Variants in ZNF350 observed in about 807,000 individuals in gnomAD.
ZNF350 encodes KRAB zinc finger protein ZFQR.
In ZNF350, 5 loss-of-function variants were observed where a neutral mutation model predicts 13.1. The observed-to-expected ratio is 0.38, with a 90% CI of 0.20 to 0.80. ZNF350 has a LOEUF of 0.80. Among genes scored for constraint, ZNF350 ranks in the 30% least tolerant of loss-of-function variants. The pLI is 0.43. For missense variants in ZNF350, 534 were observed against 644.2 expected, an observed-to-expected ratio of 0.83 and a Z score of 1.85; for synonymous variants, 199 against 224.2, an observed-to-expected ratio of 0.89 and a Z score of 1.00.
At chr19:51,983,523 G>GA (rs2086102366) in intron 1 of ZNF350, among the ~76,000 whole-genome samples, 2 of 152,182 alleles carry the variant, frequency 1.3e-5, no homozygotes, top group Admixed American at 1.3e-4. Context: ...TAAGATAGGA[G>GA]AAAACCACCT....
In ZNF350 at chr19:51,965,105, C is replaced by T; in HGVS notation, c.1348G>A (p.Val450Ile). ...TTAGCAGAGTTTTTCTCCTGCATGA[C>T]ATCACTGGTGTGTAATGAGCTGTGC... Reference protein sequence around the residue: ...ERHSSLHTSDVMQEKNSANGA... With the variant: ...ERHSSLHTSDIMQEKNSANGA... The change falls in exon 5 of 5, where the codon GTC becomes ATC. Residue 450 changes from valine to isoleucine, a missense_variant. By Grantham distance (29) the Val-to-Ile change is conservative. Coordinates refer to ENST00000243644, the MANE Select transcript of ZNF350 (RefSeq NM_021632.4). The T allele has an allele frequency of 6.2e-7, 1 of 1,614,238 alleles. No homozygotes were observed.
At chr19:51,984,874 GA>G (rs367855536) in intron 1 of ZNF350, among the ~76,000 whole-genome samples, 45 of 152,076 alleles carry the variant, frequency 3.0e-4, no homozygotes, top group African/African-American at 1.1e-3. Flanking sequence ...GATGCAACAG[GA>G]AAGACCCTCA....
At position 51,964,759 on chromosome 19, in the gene ZNF350, G is replaced by A; in HGVS notation, c.*95C>T. On this transcript the variant is annotated 3_prime_UTR_variant, in exon 5 of 5. Transcript: ENST00000243644. ...AGGATGAGTTTATCAGGCTATCTCA[G>A]CCTTATACATGTTCTCTCAGTGTAT... 7.1e-7 allele frequency: 1 copy of A among 1,398,754 alleles called. No homozygotes were observed. Among genetic ancestry groups the A allele is most frequent in the Non-Finnish European group, 9.7e-7 (1 of 1,029,394 alleles). The allele number at this position is 1,398,754 out of a possible 1,614,324, so 86.6% of individuals were successfully genotyped here.
chr19:51,972,165 C>A (rs181716056), intron 2 of ZNF350, among the ~76,000 whole-genome samples: 13 of 151,532 alleles, frequency 8.6e-5, no homozygotes, highest in African/African-American at 2.9e-4. Context: ...GTCAGTAATA[C>A]AAAATTACCA....
At position 51,976,204 on chromosome 19, in the gene ZNF350, A is replaced by G. The variant is rs1354985855; in HGVS notation, c.-171-1673T>C. 6.6e-6 allele frequency among the ~76,000 whole-genome samples: 1 copy of G among 151,978 alleles called. No homozygotes were observed. The highest frequency in any genetic ancestry group is 1.5e-5 in the Non-Finnish European group (1 of 68,004). On this transcript the variant is annotated intron_variant, in intron 1 of 4. Transcript: ENST00000243644. The surrounding 1 kb of genome is among the most constrained non-coding windows in gnomAD (Gnocchi z 4.5). ...CTAGAGAATGCAGTCTTGCAAGACT[A>G]CTCTGGACCGAGCAGCTGACCCCTT...
chr19:51,981,613 A>G lies in ZNF350; in HGVS notation c.-172+5157T>C, dbSNP rs76530089. On this transcript the variant is annotated intron_variant, in intron 1 of 4. Transcript: ENST00000243644. ...AAATGATATGGGAAGCTTGAGAATA[A>G]AAGGTTGGAGACAATATGCCACAGA... Among the ~76,000 whole-genome samples the G allele has an allele frequency of 3.9e-3, 593 of 152,286 alleles. 5 individuals carry two copies. Among genetic ancestry groups the G allele is most frequent in the Non-Finnish European group, 4.4e-3 (300 of 68,028 alleles).
At position 51,976,144 on chromosome 19, in the gene ZNF350, C is replaced by G. The variant is rs1246351007; in HGVS notation, c.-171-1613G>C. ...TAGAGAATGCAGTCTTGCAAGACTA[C>G]TCTGGACCCCTGGCGCCGTTATCTA... On this transcript the variant is annotated intron_variant, in intron 1 of 4. Coordinates refer to ENST00000243644, the MANE Select transcript of ZNF350 (RefSeq NM_021632.4). The surrounding 1 kb of genome is among the most constrained non-coding windows in gnomAD (Gnocchi z 4.5). Among the ~76,000 whole-genome samples, 1 of 150,404 alleles carries G rather than the reference C, an allele frequency of 6.6e-6. No individual in the cohort carries two copies. Among genetic ancestry groups the G allele is most frequent in the African/African-American group, 2.5e-5 (1 of 40,546 alleles).
intron 2 of ZNF350, among the ~76,000 whole-genome samples, chr19:51,971,377 A>G (rs1416616046): frequency 7.9e-5 from 12 of 152,250 alleles, no homozygotes; most frequent in Admixed American, 2.6e-4. Context: ...TGATGGCTCA[A>G]TGAACTCCAC....
At chr19:51,985,080 A>G (rs1229825878) in intron 1 of ZNF350, among the ~76,000 whole-genome samples, 1 of 152,198 alleles carries the variant, frequency 6.6e-6, no homozygotes, top group African/African-American at 2.4e-5. Flanking sequence ...TGCTGACCAT[A>G]TTCTATTTCT....
At chr19:51,975,809 C>T (rs1338764218) in intron 1 of ZNF350, among the ~76,000 whole-genome samples, 1 of 151,770 alleles carries the variant, frequency 6.6e-6, no homozygotes, top group South Asian at 2.1e-4. Context: ...GGTGTGATCT[C>T]GGCCTCCCGG....
chr19:51,983,333 C>T (rs1428585229), intron 1 of ZNF350, among the ~76,000 whole-genome samples: 1 of 152,144 alleles, frequency 6.6e-6, no homozygotes, highest in Non-Finnish European at 1.5e-5. Context: ...GATATGGTCT[C>T]GTGGGAAGGG....
chr19:51,986,729 A>G (rs1275118686), intron 1 of ZNF350, 41 bp downstream of exon 1: 1 of 152,400 alleles, frequency 6.6e-6, no homozygotes, highest in Non-Finnish European at 1.5e-5. Context: ...CAAAACCTGA[A>G]CTAGGACAAA....
At chr19:51,966,263 GTTTGTTGTGGTTTTTTTGTTTTT>G in intron 4 of ZNF350, 49 bp from the exon 5 acceptor site, 1 of 1,473,086 alleles carries the variant, frequency 6.8e-7, no homozygotes, top group East Asian at 2.4e-5. Context: ...TGGGGTAAAA[GTTTGTTGTGGTTTTTTTGTTTTT>G]TTTGTTTTTT....
rs538051986 is a variant in ZNF350 at position 51,980,671 on chromosome 19, T to C, written c.-172+6099A>G. On this transcript the variant is annotated intron_variant, in intron 1 of 4. Transcript: ENST00000243644. ...TAACTCAGAATATAACCAAAGTGAG[T>C]ATCCGTGGGACCTTGTGAAAGCCCA... Among the ~76,000 whole-genome samples, 6 of 152,316 alleles carry C rather than the reference T, an allele frequency of 3.9e-5. No homozygotes were observed. The South Asian group carries it at 1.2e-3, about 32-fold the overall frequency.
intron 1 of ZNF350, among the ~76,000 whole-genome samples, chr19:51,984,962 G>A (rs1329921981): frequency 4.6e-5 from 7 of 152,028 alleles, no homozygotes; most frequent in Admixed American, 4.6e-4. Context: ...TTTAAAATAG[G>A]CAAAACTGTA....
At chr19:51,973,111 C>G (rs2085789457) in intron 2 of ZNF350, 1 of 151,782 alleles carries the variant, frequency 6.6e-6, no homozygotes, top group Non-Finnish European at 1.5e-5. Context: ...CACACCCGAC[C>G]AATTTTTTGT....
At chr19:51,969,408 T>C (rs2085671102) in intron 2 of ZNF350, among the ~76,000 whole-genome samples, 1 of 151,902 alleles carries the variant, frequency 6.6e-6, no homozygotes, top group Admixed American at 6.6e-5. Flanking sequence ...TATGTAAATA[T>C]ATATGAATAT....
intron 2 of ZNF350, among the ~76,000 whole-genome samples, chr19:51,970,502 A>AT (rs1268783467): frequency 2.0e-5 from 3 of 152,192 alleles, no homozygotes; most frequent in Non-Finnish European, 4.4e-5. Context: ...ATGCTTAAAA[A>AT]ATATATATTT....
chr19:51,985,523 TAAGCTCATTTCC>T (rs1020113729), intron 1 of ZNF350, among the ~76,000 whole-genome samples: 2 of 152,224 alleles, frequency 1.3e-5, no homozygotes, highest in African/African-American at 4.8e-5. Context: ...ACCATACGCC[TAAGCTCATTTCC>T]ATGTCAAACC....
Sources: gnomAD v4.1 joint callset for allele counts (sites outside exome capture counted in the v4.1 genomes callset) on GRCh38, gnomAD v4.1.1 for gene constraint, Gnocchi (gnomAD v3.1) non-coding constraint, MANE v1.5 for transcripts, NCBI Gene and HGNC (gene_info 2026-07-23, HGNC 2026-07-21) for gene names.